Variants in VOPP1 observed in about 807,000 individuals in gnomAD.
The protein encoded by VOPP1 is VOPP1 WW domain binding protein.
In VOPP1, 8 loss-of-function variants were observed where a neutral mutation model predicts 23.5. The observed-to-expected ratio is 0.34, with a 90% confidence interval of 0.20 to 0.61. VOPP1 has a LOEUF of 0.61. Ranked by LOEUF, VOPP1 falls within the 20% of genes least tolerant of loss-of-function variation. VOPP1 has a pLI of 0.78. For synonymous variants in VOPP1, 83 were observed against 97.3 expected, an observed-to-expected ratio of 0.85 and a Z score of 0.86; for missense variants, 174 against 238.1, an observed-to-expected ratio of 0.73 and a Z score of 1.77.
At chr7:55,457,273 T>A (rs1216595427) in intron 4 of VOPP1, among the ~76,000 whole-genome samples, 2 of 152,220 alleles carry the variant, frequency 1.3e-5, no homozygotes, top group Non-Finnish European at 2.9e-5. Context: ...TTTCATTTTT[T>A]AATGTTGCTG....
chr7:55,498,030 CA>C (rs1794098820), intron 2 of VOPP1, among the ~76,000 whole-genome samples: 3 of 152,210 alleles, frequency 2.0e-5, no homozygotes, highest in Non-Finnish European at 4.4e-5. Context: ...GAGGAGGCTC[CA>C]CAGGAGCCCA....
Position 55,549,873 on chromosome 7 carries a change from G to A in VOPP1, c.54+22398C>T, listed in dbSNP as rs187409792. Among the ~76,000 whole-genome samples the A allele has an allele frequency of 9.2e-5, 14 of 152,270 alleles. No homozygotes were observed. In the East Asian group the frequency reaches 2.7e-3, roughly 29 times the overall value. ...AAATGCCATTGCTCCCCTCCTCCAT[G>A]AGCGGTGCTCTCAAATCTTGCTTGG... is the stretch of plus-strand genomic sequence containing the variant. On this transcript the variant is annotated intron_variant, in intron 1 of 4. Coordinates refer to ENST00000285279, the MANE Select transcript of VOPP1 (RefSeq NM_030796.5).
intron 4 of VOPP1, among the ~76,000 whole-genome samples, chr7:55,443,570 C>CCAAA: frequency 6.6e-6 from 1 of 151,800 alleles, no homozygotes; most frequent in African/African-American, 2.4e-5. Flanking sequence ...CAAAACAAAA[C>CCAAA]CAAACAAACA....
At chr7:55,544,714 G>A (rs746027493) in intron 1 of VOPP1, among the ~76,000 whole-genome samples, 1 of 152,180 alleles carries the variant, frequency 6.6e-6, no homozygotes, top group Non-Finnish European at 1.5e-5. Flanking sequence ...AGAGTTGGTG[G>A]AGAGCAGAGT....
chr7:55,513,676 G>C (rs1207727341), intron 2 of VOPP1, among the ~76,000 whole-genome samples: 3 of 152,168 alleles, frequency 2.0e-5, no homozygotes, highest in Admixed American at 2.0e-4. Context: ...CAGCTGCCAA[G>C]TCAGTAAAAC....
intron 4 of VOPP1, among the ~76,000 whole-genome samples, chr7:55,490,210 T>C (rs1252412922): frequency 6.6e-6 from 1 of 151,970 alleles, no homozygotes; most frequent in African/African-American, 2.4e-5. Context: ...ACCCTTCTGA[T>C]AGCCAAGTGG....
chr7:55,490,583 C>T (rs1793494918), intron 4 of VOPP1, among the ~76,000 whole-genome samples: 1 of 152,214 alleles, frequency 6.6e-6, no homozygotes, highest in Non-Finnish European at 1.5e-5. Flanking sequence ...GCAGTGGGGC[C>T]TCCCATGCCA....
chr7:55,550,505 T>C (rs1350043880), intron 1 of VOPP1, among the ~76,000 whole-genome samples: 1 of 152,268 alleles, frequency 6.6e-6, no homozygotes, highest in Non-Finnish European at 1.5e-5. Context: ...TCTTTAAATC[T>C]GTCAGTAAGC....
At chr7:55,531,027 G>C (rs1219891526) in intron 1 of VOPP1, 1 of 152,190 alleles carries the variant, frequency 6.6e-6, no homozygotes, top group Non-Finnish European at 1.5e-5. Context: ...TTCACTCTCA[G>C]AAATCACTTT....
At chr7:55,497,223 T>C (rs1439110701) in intron 3 of VOPP1, among the ~76,000 whole-genome samples, 1 of 152,150 alleles carries the variant, frequency 6.6e-6, no homozygotes, top group East Asian at 1.9e-4. Flanking sequence ...ACAAGATGGA[T>C]GGGGAAGAGT....
At chr7:55,446,005 T>C (rs1051775336) in intron 4 of VOPP1, among the ~76,000 whole-genome samples, 2 of 151,312 alleles carry the variant, frequency 1.3e-5, no homozygotes, top group Admixed American at 1.3e-4. Flanking sequence ...TTTTTTTTTT[T>C]TTTTTGAGAC....
downstream of VOPP1, among the ~76,000 whole-genome samples, chr7:55,435,352 G>A (rs895268327): frequency 6.6e-6 from 1 of 152,328 alleles, no homozygotes; most frequent in East Asian, 1.9e-4. Flanking sequence ...GCATGGAGCC[G>A]GGGGTGCTGT....
chr7:55,486,163 T>C (rs1793128566), intron 4 of VOPP1, among the ~76,000 whole-genome samples: 1 of 152,214 alleles, frequency 6.6e-6, no homozygotes. Flanking sequence ...CTGCTGTAAG[T>C]TTCTGTTCCC....
At chr7:55,518,300 G>A (rs1477073319) in intron 2 of VOPP1, among the ~76,000 whole-genome samples, 4 of 152,150 alleles carry the variant, frequency 2.6e-5, no homozygotes, top group East Asian at 1.9e-4. Flanking sequence ...GCTACTGCAC[G>A]GGTCACTTTA....
intron 4 of VOPP1, among the ~76,000 whole-genome samples, chr7:55,479,861 C>T (rs1792571988): frequency 6.6e-6 from 1 of 152,156 alleles, no homozygotes; most frequent in African/African-American, 2.4e-5. Flanking sequence ...TAATAAAAGG[C>T]CTTACATGGC....
At chr7:55,564,332 C>T (rs942859224) in intron 1 of VOPP1, among the ~76,000 whole-genome samples, 3 of 151,712 alleles carry the variant, frequency 2.0e-5, no homozygotes, top group African/African-American at 4.8e-5. Flanking sequence ...GATCTGTCCC[C>T]ACCCTCTCCA....
intron 4 of VOPP1, among the ~76,000 whole-genome samples, chr7:55,457,798 A>C (rs1280525455): frequency 1.3e-5 from 2 of 151,722 alleles, no homozygotes; most frequent in Non-Finnish European, 2.9e-5. Context: ...ACTTTTTAAA[A>C]GGGATTTTTT....
At chr7:55,475,189 A>G (rs769754811) in intron 4 of VOPP1, among the ~76,000 whole-genome samples, 13 of 152,220 alleles carry the variant, frequency 8.5e-5, no homozygotes, top group Non-Finnish European at 1.3e-4. Context: ...GACACAGGAC[A>G]GAGAGAACTT....
chr7:55,515,872 G>T, intron 2 of VOPP1: 1 of 714,160 alleles, frequency 1.4e-6, no homozygotes, highest in Non-Finnish European at 1.7e-6. Flanking sequence ...TTTCTGGACT[G>T]ACAGGGAAGT....
Sources: allele counts gnomAD v4.1 joint callset (sites outside exome capture counted in the v4.1 genomes callset), GRCh38; gene constraint gnomAD v4.1.1; transcripts MANE v1.5; gene names NCBI Gene and HGNC (gene_info 2026-07-23, HGNC 2026-07-21).